The following SLIT2 variants were observed in gnomAD, a reference collection of about 807,000 sequenced individuals.
SLIT2 encodes slit homolog 2 protein.
A neutral mutation model predicts 185.7 loss-of-function variants in SLIT2; 41 were observed. That is an observed-to-expected ratio of 0.22 (90% confidence interval 0.17 to 0.29). The LOEUF is 0.29. Among genes scored for constraint, SLIT2 ranks in the 10% least tolerant of loss-of-function variants. The pLI, the probability that SLIT2 is intolerant of heterozygous loss-of-function variation, is 1.00. For synonymous variants in SLIT2, 693 were observed against 680.2 expected, an observed-to-expected ratio of 1.02 and a Z score of -0.29; for missense variants, 1,571 against 1,909.0, an observed-to-expected ratio of 0.82 and a Z score of 3.30.
chr4:20,542,842 G>C (rs1202911536), intron 21 of SLIT2, among the ~76,000 whole-genome samples: 1 of 97,280 alleles, frequency 1.0e-5, no homozygotes, highest in South Asian at 3.7e-4. Flanking sequence ...GTGTGTGTGT[G>C]TGTGTGTGTG....
chr4:20,256,737 G>C lies in SLIT2; in HGVS notation c.245G>C (p.Arg82Thr). The change falls in exon 2 of 37, where the codon AGA becomes ACA. Residue 82 changes from arginine to threonine, a missense_variant. By Grantham distance (71) the Arg-to-Thr change is moderately conservative (BLOSUM62 -1). Transcript: ENST00000504154. Reference protein sequence around the residue: ...KTDFAGLRHLRVLQLMENKIS... With the variant: ...KTDFAGLRHLTVLQLMENKIS... ...GATTTTGCTGGTCTTAGACATCTAA[G>C]AGTTCTGTAAGTGCATCCTCTGTAT... 1 of 1,512,038 alleles carries C rather than the reference G, an allele frequency of 6.6e-7. No individual in the cohort carries two copies. Among genetic ancestry groups the C allele is most frequent in the Non-Finnish European group, 9.1e-7 (1 of 1,098,646 alleles). 93.7% of individuals were successfully genotyped at this position (1,512,038 alleles called of 1,614,324 possible). A position where few individuals can be genotyped will look rare whatever the true frequency, so the allele number is the denominator to read the frequency against.
At chr4:20,589,577 A>ACACAG in intron 29 of SLIT2, 67 bp from the exon 30 acceptor site, 1 of 1,188,558 alleles carries the variant, frequency 8.4e-7, no homozygotes, top group Admixed American at 1.8e-5. Context: ...CATGACAATG[A>ACACAG]CACAGTCTGC....
chr4:20,328,565 CA>C (rs1179296819), intron 4 of SLIT2, among the ~76,000 whole-genome samples: 3 of 151,348 alleles, frequency 2.0e-5, no homozygotes, highest in Non-Finnish European at 4.4e-5. Flanking sequence ...GCAATAAAAA[CA>C]ATAGAATAAG....
chr4:20,333,114 A>T (rs1180732910), intron 4 of SLIT2, among the ~76,000 whole-genome samples: 1 of 152,172 alleles, frequency 6.6e-6, no homozygotes, highest in African/African-American at 2.4e-5. Context: ...TATTTGCAAG[A>T]AAAAGTAGCA....
intron 4 of SLIT2, among the ~76,000 whole-genome samples, chr4:20,328,466 G>T (rs1013514086): frequency 1.3e-5 from 2 of 151,786 alleles, no homozygotes; most frequent in Non-Finnish European, 2.9e-5. Context: ...TTGCTATAAG[G>T]TTCAAAAATG....
chr4:20,591,548 T>C (rs1300886402), intron 30 of SLIT2, among the ~76,000 whole-genome samples: 1 of 152,038 alleles, frequency 6.6e-6, no homozygotes, highest in Non-Finnish European at 1.5e-5. Context: ...TTGCATTATA[T>C]TTTAGTTTAC....
chr4:20,583,404 C>A (rs1726764072), intron 29 of SLIT2, among the ~76,000 whole-genome samples: 1 of 152,084 alleles, frequency 6.6e-6, no homozygotes, highest in Non-Finnish European at 1.5e-5. Context: ...AAAACTATTT[C>A]AGTAAGTATG....
rs1291712558 is a variant in SLIT2 at position 20,528,981 on chromosome 4, G to A, written c.1495G>A (p.Asp499Asn). The stretch of plus-strand genomic sequence containing the variant: ...AGATTATCGATCAAAATTAAGTGGA[G>A]ACTGCTTTGCGGATCTGGCTTGCCC... ...TEDYRSKLSG[D>N]CFADLACPEK... Residue 499 changes from aspartate (D) to asparagine (N), a missense_variant, in exon 16 of 37, where the codon GAC becomes AAC. Asp to Asn is a conservative substitution (Grantham distance 23). Coordinates refer to ENST00000504154, the MANE Select transcript of SLIT2 (RefSeq NM_004787.4). This position sits in a 1 kb window ranked among gnomAD's most constrained non-coding sequence, Gnocchi z 4.2. 1 of 1,613,884 alleles carries A rather than the reference G, an allele frequency of 6.2e-7. No individual in the cohort carries two copies.
chr4:20,429,063 C>T (rs1376626242), intron 4 of SLIT2, among the ~76,000 whole-genome samples: 2 of 152,160 alleles, frequency 1.3e-5, no homozygotes, highest in African/African-American at 2.4e-5. Flanking sequence ...CACAGATGGA[C>T]GTTTCGACTT....
intron 29 of SLIT2, among the ~76,000 whole-genome samples, chr4:20,587,144 G>A (rs566002865): frequency 1.6e-4 from 24 of 151,534 alleles, no homozygotes; most frequent in South Asian, 2.1e-4. Flanking sequence ...TCAGCCTCCC[G>A]AGTAGCTGGG....
chr4:20,596,390 A>T, intron 31 of SLIT2, 25 bp from the exon 32 acceptor site: 11 of 1,595,274 alleles, frequency 6.9e-6, no homozygotes, highest in South Asian at 1.1e-5. Flanking sequence ...GTATTAACTA[A>T]TTTTTTTTTC....
intron 15 of SLIT2, among the ~76,000 whole-genome samples, chr4:20,527,989 C>T (rs1721446149): frequency 6.6e-6 from 1 of 152,018 alleles, no homozygotes; most frequent in South Asian, 2.1e-4. Flanking sequence ...TTGAGCTTCT[C>T]TGTTGTCCTT....
chr4:20,618,960 A>T lies in SLIT2; in HGVS notation c.4541A>T (p.Asp1514Val). The T allele has an allele frequency of 6.2e-7, 1 of 1,614,090 alleles. No homozygotes were observed. The highest frequency in any genetic ancestry group is 8.5e-7 in the Non-Finnish European group (1 of 1,180,004). The change falls in exon 37 of 37, where the codon GAC becomes GTC. Residue 1514 changes from aspartate to valine, a missense_variant. By Grantham distance (152) the Asp-to-Val change is radical. Around this residue, in one of 3 missense-constraint regions of SLIT2, gnomAD observed 223 missense variants for 245.2 expected, o/e 0.91. Transcript: ENST00000504154. ...TGCACTGACGGCTCCTCCTTTGTGG[A>T]CGAGGTTGAGAAAGTGGTGAAGTGC... Reference protein sequence around the residue: ...FECTDGSSFVDEVEKVVKCGC... With the variant: ...FECTDGSSFVVEVEKVVKCGC...
chr4:20,524,632 C>T (rs1208846406), intron 14 of SLIT2, among the ~76,000 whole-genome samples: 2 of 152,192 alleles, frequency 1.3e-5, no homozygotes, highest in East Asian at 3.8e-4. Flanking sequence ...GACTCCAGAT[C>T]CCTTGCTTCT....
At chr4:20,312,771 CAA>C (rs34372893) in intron 4 of SLIT2, among the ~76,000 whole-genome samples, 30,050 of 103,258 alleles carry the variant, frequency 0.29, 3,884 homozygotes, top group East Asian at 0.63. Context: ...GACTTTGTCT[CAA>C]AAAAAAAAAA....
chr4:20,491,742 C>T lies in SLIT2; in HGVS notation c.776-19C>T, dbSNP rs1309470401. On this transcript the variant is annotated intron_variant, in intron 8 of 36. Transcript: ENST00000504154. The stretch of plus-strand genomic sequence containing the variant: ...ATATTCAGGAGGAAAAATATAATTC[C>T]TGTTTATTTCTTTTTTAGGTCACCA... 1 of 1,599,784 alleles carries T rather than the reference C, an allele frequency of 6.3e-7. No individual in the cohort carries two copies. The highest frequency in any genetic ancestry group is 8.5e-7 in the Non-Finnish European group (1 of 1,173,512).
chr4:20,592,196 A>T (rs1045454598), intron 30 of SLIT2, among the ~76,000 whole-genome samples: 3 of 152,110 alleles, frequency 2.0e-5, no homozygotes, highest in African/African-American at 4.8e-5. Flanking sequence ...CTTCAACTTC[A>T]TTTTCTTATT....
intron 29 of SLIT2, among the ~76,000 whole-genome samples, chr4:20,581,150 G>T (rs147100306): frequency 6.2e-4 from 95 of 152,236 alleles, no homozygotes; most frequent in African/African-American, 2.1e-3. Flanking sequence ...TGAAATCAAG[G>T]TGTTGATTCC....
chr4:20,279,744 G>A (rs1179875075), intron 4 of SLIT2, among the ~76,000 whole-genome samples: 3 of 152,112 alleles, frequency 2.0e-5, no homozygotes, highest in African/African-American at 7.2e-5. Flanking sequence ...ATAATAAGTG[G>A]CATGTACTTA....
Sources: allele counts gnomAD v4.1 joint callset (sites outside exome capture counted in the v4.1 genomes callset), GRCh38; gene constraint gnomAD v4.1.1; regional missense constraint gnomAD v4.1.1; non-coding constraint Gnocchi (gnomAD v3.1); transcripts MANE v1.5; gene names NCBI Gene and HGNC (gene_info 2026-07-23, HGNC 2026-07-21).